The following DOCK10 variants were observed in gnomAD, a reference collection of about 807,000 sequenced individuals.
The protein encoded by DOCK10 is dedicator of cytokinesis protein 10.
A neutral mutation model predicts 280.1 loss-of-function variants in DOCK10; 145 were observed. That is an observed-to-expected ratio of 0.52 (90% CI 0.45 to 0.59). The LOEUF (loss-of-function observed/expected upper bound fraction) is 0.59. Among genes scored for constraint, DOCK10 ranks in the 20% least tolerant of loss-of-function variants. DOCK10 has a pLI of 0.00. For missense variants in DOCK10, 2,368 were observed against 2,651.7 expected, an observed-to-expected ratio of 0.89 and a Z score of 2.35; for synonymous variants, 915 against 942.2, an observed-to-expected ratio of 0.97 and a Z score of 0.53.
At chr2:224,935,952 C>A (rs1559807605) in intron 1 of DOCK10, among the ~76,000 whole-genome samples, 1 of 152,106 alleles carries the variant, frequency 6.6e-6, no homozygotes, top group Non-Finnish European at 1.5e-5. Flanking sequence ...ATCTTTGTAA[C>A]AAGATGGAGA....
At chr2:224,995,834 C>T (rs1487575088) in intron 1 of DOCK10, among the ~76,000 whole-genome samples, 1 of 152,152 alleles carries the variant, frequency 6.6e-6, no homozygotes, top group East Asian at 1.9e-4. Context: ...GTGTATTGCT[C>T]ACACTCTTGG....
Position 224,970,006 on chromosome 2 carries a change from T to C in DOCK10, c.124-38338A>G, listed in dbSNP as rs1318147606. On this transcript the variant is annotated intron_variant, in intron 1 of 55. Coordinates refer to ENST00000258390, the MANE Select transcript of DOCK10 (RefSeq NM_014689.3). The surrounding 1 kb of genome is among the most constrained non-coding windows in gnomAD (Gnocchi z 4.6). ...ACTCATTTCCCCCAGTGGCTTTCAT[T>C]TGGGGAATATCATTGGGTTCACTGG... Among the ~76,000 whole-genome samples the C allele has an allele frequency of 6.6e-6, 1 of 152,212 alleles. No homozygotes were observed. Among genetic ancestry groups the C allele is most frequent in the Non-Finnish European group, 1.5e-5 (1 of 68,030 alleles).
intron 1 of DOCK10, among the ~76,000 whole-genome samples, chr2:224,950,674 C>T (rs1386124852): frequency 6.6e-6 from 1 of 152,116 alleles, no homozygotes; most frequent in Admixed American, 6.5e-5. Flanking sequence ...ATGTTGCATC[C>T]AGAAGATTGT....
chr2:224,890,422 GT>G (rs1185908984), intron 4 of DOCK10, among the ~76,000 whole-genome samples: 1 of 152,158 alleles, frequency 6.6e-6, no homozygotes, highest in African/African-American at 2.4e-5. Context: ...GCTTGTGAAA[GT>G]TTTTTTCACA....
chr2:224,908,415 TTGTG>T (rs57986119), intron 3 of DOCK10, among the ~76,000 whole-genome samples: 18,436 of 140,942 alleles, frequency 0.13, 1,106 homozygotes, highest in East Asian at 0.27. Context: ...TCATCATCGT[TTGTG>T]TGTGTGTGTG....
intron 1 of DOCK10, among the ~76,000 whole-genome samples, chr2:225,007,554 G>A (rs186811667): frequency 7.9e-5 from 12 of 152,286 alleles, no homozygotes; most frequent in Admixed American, 3.3e-4. Context: ...ATTTAACAGT[G>A]CATTTGTGAA....
At chr2:224,905,711 T>C (rs544973485) in intron 3 of DOCK10, among the ~76,000 whole-genome samples, 1 of 152,360 alleles carries the variant, frequency 6.6e-6, no homozygotes, top group Non-Finnish European at 1.5e-5. Context: ...TGGCATTTTA[T>C]GCCATTGATG....
intron 31 of DOCK10, among the ~76,000 whole-genome samples, chr2:224,813,144 C>A (rs1056810402): frequency 2.0e-5 from 3 of 152,162 alleles, no homozygotes; most frequent in African/African-American, 7.2e-5. Context: ...TTGTAGTAAT[C>A]ATTTCACAAC....
At chr2:224,835,281 A>G (rs769263275) in intron 25 of DOCK10, among the ~76,000 whole-genome samples, 11 of 152,256 alleles carry the variant, frequency 7.2e-5, no homozygotes, top group Non-Finnish European at 1.5e-4. Flanking sequence ...AGCTCATGCC[A>G]TGCACAGTTA....
At chr2:224,936,376 A>G (rs2126047544) in intron 1 of DOCK10, among the ~76,000 whole-genome samples, 1 of 152,274 alleles carries the variant, frequency 6.6e-6, no homozygotes, top group East Asian at 1.9e-4. Context: ...CTACCTCAGA[A>G]GGAAAGAGGT....
intron 2 of DOCK10, among the ~76,000 whole-genome samples, chr2:224,923,288 A>T (rs1296490805): frequency 6.6e-6 from 1 of 152,212 alleles, no homozygotes; most frequent in Non-Finnish European, 1.5e-5. Context: ...GTAGTGATAG[A>T]ATCCTATAAG....
intron 15 of DOCK10, among the ~76,000 whole-genome samples, chr2:224,855,508 A>G (rs1247199206): frequency 3.3e-5 from 5 of 152,128 alleles, no homozygotes; most frequent in Admixed American, 3.3e-4. Context: ...ACCAACAAAC[A>G]AGGAGGACAG....
intron 1 of DOCK10, among the ~76,000 whole-genome samples, chr2:224,959,425 C>G (rs917716575): frequency 7.1e-6 from 1 of 140,322 alleles, no homozygotes; most frequent in Non-Finnish European, 1.5e-5. Context: ...AAAAATAAGC[C>G]TTTATTATTT....
rs778857297 is a variant in DOCK10 at position 224,896,275 on chromosome 2, T to C, written c.416+20A>G. On this transcript the variant is annotated intron_variant, in intron 4 of 55. Transcript: ENST00000258390. ...TCTATATTTGGAAAAGACCAATAAG[T>C]GCTCATAACAGGTTCTTACCGGGGT... 9 of 1,446,808 alleles carry C rather than the reference T, an allele frequency of 6.2e-6. No individual in the cohort carries two copies. The highest frequency in any genetic ancestry group is 7.7e-6 in the Non-Finnish European group (8 of 1,041,650). 89.6% of individuals were successfully genotyped at this position (1,446,808 alleles called of 1,614,324 possible). A position where few individuals can be genotyped will look rare whatever the true frequency, so the allele number is the denominator to read the frequency against.
At chr2:224,856,726 T>A in intron 15 of DOCK10, 134 bp downstream of exon 15, 1 of 759,480 alleles carries the variant, frequency 1.3e-6, no homozygotes, top group South Asian at 2.7e-5. Context: ...TTTGGGCATA[T>A]GTGAAGTCAC....
rs769454650 is a variant in DOCK10 at position 224,886,199 on chromosome 2, A to T, written c.490-14T>A. 4 of 1,613,588 alleles carry T rather than the reference A, an allele frequency of 2.5e-6. No homozygotes were observed. Among genetic ancestry groups the T allele is most frequent in the Non-Finnish European group, 3.4e-6 (4 of 1,179,730 alleles). On this transcript the variant is annotated splice_polypyrimidine_tract_variant and intron_variant, in intron 5 of 55. Transcript: ENST00000258390. Reference sequence around the variant, plus strand: ...GGAAGTGGTATCCTGTAGGAAAGGCATAGTAGCATGACAGCCATCTTTTGT... The same window carrying T: ...GGAAGTGGTATCCTGTAGGAAAGGCTTAGTAGCATGACAGCCATCTTTTGT...
At chr2:225,040,726 G>T (rs1575181443) in intron 1 of DOCK10, among the ~76,000 whole-genome samples, 1 of 152,114 alleles carries the variant, frequency 6.6e-6, no homozygotes, top group Non-Finnish European at 1.5e-5. Flanking sequence ...GCAAAATAAA[G>T]TTTTTGTCAA....
chr2:224,892,122 T>A (rs1202829580), intron 4 of DOCK10, among the ~76,000 whole-genome samples: 1 of 151,630 alleles, frequency 6.6e-6, no homozygotes, highest in East Asian at 1.9e-4. Flanking sequence ...CAAGGCTGGG[T>A]GTAGCAGCTC....
chr2:224,802,451 C>G (rs1179914990), intron 39 of DOCK10, among the ~76,000 whole-genome samples: 1 of 152,140 alleles, frequency 6.6e-6, no homozygotes, highest in African/African-American at 2.4e-5. Flanking sequence ...AGTGTAAAAT[C>G]AGGTTCTAAA....
Sources: allele counts gnomAD v4.1 joint callset (sites outside exome capture counted in the v4.1 genomes callset), GRCh38; gene constraint gnomAD v4.1.1; non-coding constraint Gnocchi (gnomAD v3.1); transcripts MANE v1.5; gene names NCBI Gene and HGNC (gene_info 2026-07-23, HGNC 2026-07-21).